Variants in PTPRM observed in about 807,000 individuals in gnomAD.
PTPRM encodes the protein receptor-type tyrosine-protein phosphatase mu.
In PTPRM, 47 loss-of-function variants were observed where a neutral mutation model predicts 186.7. That is an observed-to-expected ratio of 0.25 (90% CI 0.20 to 0.32). The LOEUF is 0.32. PTPRM is among the 10% of genes least tolerant of loss of function. The pLI, the probability that PTPRM is intolerant of heterozygous loss-of-function variation, is 1.00. For missense variants in PTPRM, 1,494 were observed against 1,865.0 expected, an observed-to-expected ratio of 0.80 and a Z score of 3.66; for synonymous variants, 668 against 674.9, an observed-to-expected ratio of 0.99 and a Z score of 0.16.
chr18:7,608,521 G>A (rs1349233658), intron 1 of PTPRM, among the ~76,000 whole-genome samples: 1 of 152,042 alleles, frequency 6.6e-6, no homozygotes, highest in Non-Finnish European at 1.5e-5. Context: ...GTGAGCTTTT[G>A]AGGTCTCTAA....
chr18:8,186,038 A>T (rs1325013614), intron 14 of PTPRM, among the ~76,000 whole-genome samples: 3 of 152,206 alleles, frequency 2.0e-5, no homozygotes, highest in African/African-American at 7.2e-5. Flanking sequence ...AGAATATCTC[A>T]TTTGTAAAAA....
intron 1 of PTPRM, among the ~76,000 whole-genome samples, chr18:7,650,131 G>A (rs1598296637): frequency 6.6e-6 from 1 of 152,262 alleles, no homozygotes; most frequent in African/African-American, 2.4e-5. Context: ...AGAGCTCTTA[G>A]ATGTGGAGGG....
Position 8,069,850 on chromosome 18 carries a change from G to C in PTPRM, c.1297G>C (p.Val433Leu). The change falls in exon 8 of 33, where the codon GTA (valine) becomes CTA (leucine). Residue 433 changes from valine (V) to leucine (L), a missense_variant. By Grantham distance (32) the Val-to-Leu change is conservative. This residue lies in a region of PTPRM where 1,107 missense variants were observed against 1,350.2 expected (regional missense o/e 0.82). Transcript: ENST00000580170. ...VGGQEQVREE[V>L]SWDTENSHPQ... ...AGGACAAGAACAAGTGCGAGAAGAAGTAAGCTGGGATACAGAAAACTCACA... is the reference window on the plus strand; with the variant it reads ...AGGACAAGAACAAGTGCGAGAAGAACTAAGCTGGGATACAGAAAACTCACA... 1 of 1,614,014 alleles carries C rather than the reference G, an allele frequency of 6.2e-7. No homozygotes were observed. Among genetic ancestry groups the C allele is most frequent in the Non-Finnish European group, 8.5e-7 (1 of 1,179,952 alleles).
At chr18:7,696,492 A>G (rs1029670753) in intron 1 of PTPRM, among the ~76,000 whole-genome samples, 4 of 152,230 alleles carry the variant, frequency 2.6e-5, no homozygotes, top group Non-Finnish European at 4.4e-5. Flanking sequence ...ATAGTCATAC[A>G]TAGAAATGTG....
chr18:8,186,107 C>T (rs913573497), intron 14 of PTPRM, among the ~76,000 whole-genome samples: 5 of 152,140 alleles, frequency 3.3e-5, no homozygotes, highest in South Asian at 2.1e-4. Flanking sequence ...GCAGGCAGAT[C>T]ACGAGGTCAA....
intron 19 of PTPRM, among the ~76,000 whole-genome samples, chr18:8,254,676 G>A (rs1313696554): frequency 6.6e-6 from 1 of 152,144 alleles, no homozygotes; most frequent in Non-Finnish European, 1.5e-5. Context: ...CTTCCTGTGG[G>A]CACACTCACA....
chr18:8,121,836 G>A (rs2092185373), intron 13 of PTPRM: 1 of 152,160 alleles, frequency 6.6e-6, no homozygotes, highest in Admixed American at 6.5e-5. Context: ...CGTTCTAAAA[G>A]CCTAAAGTTT....
intron 18 of PTPRM, among the ~76,000 whole-genome samples, chr18:8,252,970 C>T (rs2094542036): frequency 1.3e-5 from 2 of 152,184 alleles, no homozygotes; most frequent in South Asian, 4.1e-4. Flanking sequence ...GGCTAAAGGG[C>T]TCTTCTCAAT....
intron 20 of PTPRM, among the ~76,000 whole-genome samples, chr18:8,310,425 C>T (rs1267049360): frequency 1.0e-4 from 15 of 150,304 alleles, no homozygotes; most frequent in Non-Finnish European, 2.1e-4. Flanking sequence ...TTTCCCACCA[C>T]TCTCCTCCCT....
chr18:7,658,534 G>T (rs112456437), intron 1 of PTPRM, among the ~76,000 whole-genome samples: 38 of 151,890 alleles, frequency 2.5e-4, no homozygotes, highest in African/African-American at 8.0e-4. Flanking sequence ...TGTGTTAGGG[G>T]TTGCATGTCT....
At chr18:7,609,487 G>A (rs1472395775) in intron 1 of PTPRM, among the ~76,000 whole-genome samples, 3 of 151,420 alleles carry the variant, frequency 2.0e-5, no homozygotes, top group Non-Finnish European at 4.4e-5. Context: ...TGAGATCATG[G>A]AATAGCAGTG....
chr18:8,384,501 A>T (rs1200043620), intron 29 of PTPRM, 60 bp from the exon 30 acceptor site: 1 of 1,591,940 alleles, frequency 6.3e-7, no homozygotes, highest in Non-Finnish European at 8.6e-7. Context: ...ACCTTATCCA[A>T]ACTGTTAGGA....
intron 1 of PTPRM, among the ~76,000 whole-genome samples, chr18:7,619,016 A>G (rs562512220): frequency 1.7e-4 from 26 of 152,138 alleles, no homozygotes; most frequent in African/African-American, 6.3e-4. Flanking sequence ...CTCTCGGAGG[A>G]TTTACTTAGC....
At chr18:7,747,183 T>G (rs1455086841) in intron 1 of PTPRM, among the ~76,000 whole-genome samples, 1 of 152,200 alleles carries the variant, frequency 6.6e-6, no homozygotes, top group Non-Finnish European at 1.5e-5. Flanking sequence ...AATGTAACAG[T>G]ATGGGACATG....
At chr18:8,090,742 G>A (rs181103858) in intron 11 of PTPRM, among the ~76,000 whole-genome samples, 10 of 152,136 alleles carry the variant, frequency 6.6e-5, no homozygotes, top group South Asian at 4.2e-4. Flanking sequence ...GATTACAGAC[G>A]TGCTACTGCA....
chr18:7,607,719 G>T (rs2037568448), intron 1 of PTPRM, among the ~76,000 whole-genome samples: 1 of 152,220 alleles, frequency 6.6e-6, no homozygotes. Flanking sequence ...CTAGGCTGCT[G>T]AGTGCTAAGA....
chr18:7,912,811 G>A (rs1026336697), intron 4 of PTPRM, among the ~76,000 whole-genome samples: 5 of 152,066 alleles, frequency 3.3e-5, no homozygotes, highest in African/African-American at 7.2e-5. Flanking sequence ...GAGCCACTGC[G>A]CCCAGCCAAT....
intron 19 of PTPRM, among the ~76,000 whole-genome samples, chr18:8,259,626 G>A (rs2094607467): frequency 6.6e-6 from 1 of 151,750 alleles, no homozygotes; most frequent in Non-Finnish European, 1.5e-5. Flanking sequence ...TTATTAAAAT[G>A]TCTCACCTGC....
At chr18:7,570,827 A>G (rs2036547660) in intron 1 of PTPRM, among the ~76,000 whole-genome samples, 1 of 152,138 alleles carries the variant, frequency 6.6e-6, no homozygotes, top group African/African-American at 2.4e-5. Flanking sequence ...ACTACATGTG[A>G]TTTGGATACC....
Sources: gnomAD v4.1 joint callset for allele counts (sites outside exome capture counted in the v4.1 genomes callset) on GRCh38, gnomAD v4.1.1 for gene constraint, gnomAD v4.1.1 regional missense constraint, MANE v1.5 for transcripts, NCBI Gene and HGNC (gene_info 2026-07-23, HGNC 2026-07-21) for gene names.